MAFG: variants seen among roughly 807,000 people sequenced by gnomAD.
MAFG encodes transcription factor MafG.
A neutral mutation model predicts 12.2 loss-of-function variants in MAFG; 3 were observed. That is an observed-to-expected ratio of 0.25 (90% CI 0.11 to 0.64). MAFG has a LOEUF of 0.64. MAFG is among the 30% of genes least tolerant of loss of function. The probability of loss-of-function intolerance (pLI) is 0.85; values close to 1 mark genes in which losing one functional copy is unlikely to be tolerated. For synonymous variants in MAFG, 126 were observed against 109.1 expected, an observed-to-expected ratio of 1.15 and a Z score of -0.96; for missense variants, 153 against 235.5, an observed-to-expected ratio of 0.65 and a Z score of 2.29.
rs529529660 is a variant in MAFG at position 81,919,949 on chromosome 17, C to G, written c.*2656G>C. ...GAGGACCTGCACCTCCCATTCAGCA[C>G]GCGTCGACCCTTACACCCTCCTCTT... On this transcript the variant is annotated 3_prime_UTR_variant, in exon 3 of 3. Coordinates refer to ENST00000357736, the MANE Select transcript of MAFG (RefSeq NM_002359.4). 1 of 152,242 alleles carries G rather than the reference C, an allele frequency of 6.6e-6. No homozygotes were observed. Among genetic ancestry groups the G allele is most frequent in the African/African-American group, 2.4e-5 (1 of 41,440 alleles). The allele number at this position is 152,242 out of a possible 1,614,324, so 9.4% of individuals were successfully genotyped here. A position where few individuals can be genotyped will look rare whatever the true frequency, so the allele number is the denominator to read the frequency against.
At position 81,921,930 on chromosome 17, in the gene MAFG, A is replaced by G. The variant is rs999873910; in HGVS notation, c.*675T>C. 3.3e-5 allele frequency: 5 copies of G among 152,234 alleles called. No homozygotes were observed. The highest frequency in any genetic ancestry group is 4.8e-5 in the African/African-American group (2 of 41,448). 9.4% of individuals were successfully genotyped at this position (152,234 alleles called of 1,614,324 possible). A position where few individuals can be genotyped will look rare whatever the true frequency, so the allele number is the denominator to read the frequency against. On this transcript the variant is annotated 3_prime_UTR_variant, in exon 3 of 3. Transcript: ENST00000357736. ...ACAAATAGGTCATGTAAACAGTGAC[A>G]CGGGACCCATCGCAGGGCACACTGG...
chr17:81,927,465 G>A (rs932807136), intron 1 of MAFG, 63 bp downstream of exon 1: 1 of 146,480 alleles, frequency 6.8e-6, no homozygotes, highest in Non-Finnish European at 1.5e-5. Context: ...GCGCCCCCTC[G>A]GCCCCCGCCG....
rs148385816 is a variant in MAFG, at chr17:81,925,721, C to T, written c.-30+1807G>A. On this transcript the variant is annotated intron_variant, in intron 1 of 2. Coordinates refer to ENST00000357736, the MANE Select transcript of MAFG (RefSeq NM_002359.4). ...TACTCGGGAGGCTGAGGCAGGAGAACGGCGTGAACCTGGGAGGCAGAGCTT... is the reference window on the plus strand; with the variant it reads ...TACTCGGGAGGCTGAGGCAGGAGAATGGCGTGAACCTGGGAGGCAGAGCTT... Among the ~76,000 whole-genome samples, 1,083 of 149,676 alleles carry T rather than the reference C, an allele frequency of 7.2e-3. 16 individuals carry two copies. The highest frequency in any genetic ancestry group is 0.025 in the African/African-American group (1,030 of 40,472).
chr17:81,923,093 G>T (rs1366796443), intron 2 of MAFG, 36 bp from the exon 3 acceptor site: 3 of 1,609,614 alleles, frequency 1.9e-6, no homozygotes, highest in Admixed American at 3.4e-5. Context: ...GGCCAAGCGG[G>T]CACGCCCACT....
rs942132890 is a variant in MAFG at position 81,926,946 on chromosome 17, C to T, written c.-30+582G>A. On this transcript the variant is annotated intron_variant, in intron 1 of 2. Coordinates refer to ENST00000357736, the MANE Select transcript of MAFG (RefSeq NM_002359.4). The surrounding 1 kb of genome is among the most constrained non-coding windows in gnomAD (Gnocchi z 4.6). Reference sequence around the variant, plus strand: ...GAATCCCCTCCGGTATCAGCTTGAGCACCGAGTGACCTCACGCTGATGACT... The same window carrying T: ...GAATCCCCTCCGGTATCAGCTTGAGTACCGAGTGACCTCACGCTGATGACT... Among the ~76,000 whole-genome samples, 2 of 152,148 alleles carry T rather than the reference C, an allele frequency of 1.3e-5. No homozygotes were observed. The highest frequency in any genetic ancestry group is 2.9e-5 in the Non-Finnish European group (2 of 68,008).
rs1456213403 is a variant in MAFG at position 81,924,874 on chromosome 17, C to T, written c.-29-1660G>A. On this transcript the variant is annotated intron_variant, in intron 1 of 2. Transcript: ENST00000357736. This position sits in a 1 kb window ranked among gnomAD's most constrained non-coding sequence, Gnocchi z 4.7. ...TGGCACCAGCTTCTCCCACCCCCATCGCCCCCACCCCTGCTGCTAAGCACA... is the reference window on the plus strand; with the variant it reads ...TGGCACCAGCTTCTCCCACCCCCATTGCCCCCACCCCTGCTGCTAAGCACA... 6.6e-6 allele frequency among the ~76,000 whole-genome samples: 1 copy of T among 151,966 alleles called. No individual in the cohort carries two copies. The highest frequency in any genetic ancestry group is 1.5e-5 in the Non-Finnish European group (1 of 67,978).
chr17:81,918,292 C>G lies in MAFG; in HGVS notation c.*4313G>C. 1.8e-6 allele frequency: 1 copy of G among 560,578 alleles called. No homozygotes were observed. The highest frequency in any genetic ancestry group is 3.6e-5 in the East Asian group (1 of 27,690). 34.7% of individuals were successfully genotyped at this position (560,578 alleles called of 1,614,324 possible). The stretch of plus-strand genomic sequence containing the variant: ...CAGTCTCTTTAAAAGGTTTATTGAT[C>G]ATATACAAAATAAAGAAAACCTTAT... On this transcript the variant is annotated 3_prime_UTR_variant, in exon 3 of 3. Transcript: ENST00000357736.
chr17:81,925,022 G>C (rs929323079), intron 1 of MAFG, among the ~76,000 whole-genome samples: 2 of 151,530 alleles, frequency 1.3e-5, no homozygotes, highest in African/African-American at 4.8e-5. Context: ...AAGGTGCGCC[G>C]GGGGGTGGGG....
chr17:81,922,568 T>C lies in MAFG; in HGVS notation c.*37A>G. On this transcript the variant is annotated 3_prime_UTR_variant, in exon 3 of 3. Transcript: ENST00000357736. ...GCAGCCAAATTCGCCATGTGCCTAG[T>C]GGCCCCGCAAAGACCCGCCTGGGCA... is the stretch of plus-strand genomic sequence containing the variant. 2.1e-6 allele frequency: 3 copies of C among 1,401,448 alleles called. No individual in the cohort carries two copies. The highest frequency in any genetic ancestry group is 2.8e-6 in the Non-Finnish European group (3 of 1,070,550). The allele number at this position is 1,401,448 out of a possible 1,614,324, so 86.8% of individuals were successfully genotyped here.
upstream of MAFG, among the ~76,000 whole-genome samples, chr17:81,930,999 C>T (rs2040981520): frequency 1.3e-5 from 2 of 152,206 alleles, no homozygotes; most frequent in Non-Finnish European, 2.9e-5. The surrounding 1 kb of genome is among the most constrained non-coding windows in gnomAD (Gnocchi z 4.1). Context: ...GTGGGCCCGT[C>T]CTCACGCTCT....
intron 1 of MAFG, 52 bp from the exon 2 acceptor site, chr17:81,923,266 C>T: frequency 8.4e-6 from 8 of 951,676 alleles, no homozygotes; most frequent in Non-Finnish European, 1.1e-5. Flanking sequence ...CGCCGCACCC[C>T]CCCCCCCCCG....
chr17:81,929,736 G>A, upstream of MAFG: 1 of 153,274 alleles, frequency 6.5e-6, no homozygotes, highest in Non-Finnish European at 1.5e-5. The surrounding 1 kb of genome is among the most constrained non-coding windows in gnomAD (Gnocchi z 5.7). Flanking sequence ...TCCACGACCG[G>A]CTTTAAGTGC....
chr17:81,923,016 A>G lies in MAFG; in HGVS notation c.78T>C (p.Asp26=). The G allele has an allele frequency of 6.3e-7, 1 of 1,597,860 alleles. No homozygotes were observed. Among genetic ancestry groups the G allele is most frequent in the Non-Finnish European group, 8.5e-7 (1 of 1,172,098 alleles). Residue 26 remains aspartate (D), a synonymous_variant, in exon 3 of 3, where the codon GAT becomes GAC. Coordinates refer to ENST00000357736, the MANE Select transcript of MAFG (RefSeq NM_002359.4). Reference sequence around the variant, plus strand: ...GCACCGACATGGTCACCAGCTCCTCATCCGTCAGGCTGGTGCCATTCTCAC... The same window carrying G: ...GCACCGACATGGTCACCAGCTCCTCGTCCGTCAGGCTGGTGCCATTCTCAC... ...EPGENGTSLT[D]EELVTMSVRE... is the part of the protein sequence containing the mutation.
At chr17:81,930,657 CTA>C (rs1491305590), upstream of MAFG, 1 of 151,898 alleles carries the variant, frequency 6.6e-6, no homozygotes, top group Non-Finnish European at 1.5e-5. The surrounding 1 kb of genome is among the most constrained non-coding windows in gnomAD (Gnocchi z 4.1). Context: ...GAGAACCTCT[CTA>C]AAAAAAAAGG....
At position 81,920,320 on chromosome 17, in the gene MAFG, G is replaced by A. The variant is rs555447686; in HGVS notation, c.*2285C>T. 1 of 152,322 alleles carries A rather than the reference G, an allele frequency of 6.6e-6. No homozygotes were observed. The highest frequency in any genetic ancestry group is 2.4e-5 in the African/African-American group (1 of 41,564). The allele number at this position is 152,322 out of a possible 1,614,324, so 9.4% of individuals were successfully genotyped here. On this transcript the variant is annotated 3_prime_UTR_variant, in exon 3 of 3. Transcript: ENST00000357736. ...CTCATTAACATGACAAGTGTTGATG[G>A]TGCCTCCCTGTTCCCATCCTGTGGG...
At position 81,922,709 on chromosome 17, in the gene MAFG, C is replaced by G. The variant is rs1297719983; in HGVS notation, c.385G>C (p.Ala129Pro). The G allele has an allele frequency of 1.3e-6, 2 of 1,533,392 alleles. No individual in the cohort carries two copies. The allele number at this position is 1,533,392 out of a possible 1,614,324, so 95.0% of individuals were successfully genotyped here. A position where few individuals can be genotyped will look rare whatever the true frequency, so the allele number is the denominator to read the frequency against. Residue 129 changes from alanine (A) to proline (P), a missense_variant, in exon 3 of 3, where the codon GCC (alanine) becomes CCC (proline). Physicochemically the swap from Ala to Pro is conservative, Grantham distance 27 (BLOSUM62 -1). This residue lies in a region of MAFG where 81 missense variants were observed against 94.7 expected (regional missense o/e 0.86). Coordinates refer to ENST00000357736, the MANE Select transcript of MAFG (RefSeq NM_002359.4). ...RTVARSPVAP[A>P]RGPLAAGLGP... is the part of the protein sequence containing the mutation. ...AGGCCGGCGGCAAGGGGGCCCCGGGCTGGCGCCACGGGGCTGCGGGCCACC... is the reference window on the plus strand; with the variant it reads ...AGGCCGGCGGCAAGGGGGCCCCGGGGTGGCGCCACGGGGCTGCGGGCCACC...
At chr17:81,928,609 T>C (rs1262420095), upstream of MAFG, among the ~76,000 whole-genome samples, 2 of 152,122 alleles carry the variant, frequency 1.3e-5, no homozygotes, top group Admixed American at 6.5e-5. The surrounding 1 kb of genome is among the most constrained non-coding windows in gnomAD (Gnocchi z 8.1). Flanking sequence ...CCACAGCACG[T>C]TGTCGCCGTG....
Position 81,925,807 on chromosome 17 carries a change from CAA to C in MAFG, c.-30+1719_-30+1720del, listed in dbSNP as rs753192299. On this transcript the variant is annotated intron_variant, in intron 1 of 2. Transcript: ENST00000357736. Reference sequence around the variant, plus strand: ...TGGGCAAAAGAGTGAGACTCCGTCTCAAAAAAAAAAAAAAAAAAAGATGTACA... The same window carrying C: ...TGGGCAAAAGAGTGAGACTCCGTCTCAAAAAAAAAAAAAAAAAGATGTACA... 4.2e-4 allele frequency among the ~76,000 whole-genome samples: 20 copies of C among 47,254 alleles called. No individual in the cohort carries two copies. The South Asian group carries it at 5.0e-3, about 12-fold the overall frequency. The allele number at this position is 47,254 out of a possible 152,430, so 31.0% of individuals were successfully genotyped here. A position where few individuals can be genotyped will look rare whatever the true frequency, so the allele number is the denominator to read the frequency against.
In MAFG at chr17:81,921,436, G is replaced by A. The variant is rs539309572; in HGVS notation, c.*1169C>T. The A allele has an allele frequency of 6.6e-6, 1 of 152,488 alleles. No homozygotes were observed. Among genetic ancestry groups the A allele is most frequent in the Admixed American group, 6.5e-5 (1 of 15,298 alleles). 9.4% of individuals were successfully genotyped at this position (152,488 alleles called of 1,614,324 possible). A position where few individuals can be genotyped will look rare whatever the true frequency, so the allele number is the denominator to read the frequency against. On this transcript the variant is annotated 3_prime_UTR_variant, in exon 3 of 3. Transcript: ENST00000357736. ...TTTACCGCTGCACAAAACCTCACCAGGCACGGACGACACCACGGCACCGGC... is the reference window on the plus strand; with the variant it reads ...TTTACCGCTGCACAAAACCTCACCAAGCACGGACGACACCACGGCACCGGC...
Sources: allele counts gnomAD v4.1 joint callset (sites outside exome capture counted in the v4.1 genomes callset), GRCh38; gene constraint gnomAD v4.1.1; regional missense constraint gnomAD v4.1.1; non-coding constraint Gnocchi (gnomAD v3.1); transcripts MANE v1.5; gene names NCBI Gene and HGNC (gene_info 2026-07-23, HGNC 2026-07-21).